Variants in TNFRSF1B observed in about 807,000 individuals in gnomAD.
TNFRSF1B encodes tumor necrosis factor receptor superfamily member 1B.
TNFRSF1B carries 19 observed loss-of-function variants against 44.6 expected under a neutral mutation model. The observed-to-expected ratio is 0.43, with a 90% CI of 0.30 to 0.62. The LOEUF (loss-of-function observed/expected upper bound fraction) is 0.62, where lower values mean the gene tolerates loss of function less well. Among genes scored for constraint, TNFRSF1B ranks in the 20% least tolerant of loss-of-function variants. The probability of loss-of-function intolerance (pLI) is 0.16; values close to 1 mark genes in which losing one functional copy is unlikely to be tolerated. For synonymous variants in TNFRSF1B, 252 were observed against 261.1 expected (o/e 0.97, Z 0.34); for missense variants, 541 against 619.9 (o/e 0.87, Z 1.35).
chr1:12,192,866 T>C lies in TNFRSF1B; in HGVS notation c.555T>C (p.Cys185=). 6.2e-7 allele frequency: 1 copy of C among 1,613,180 alleles called. No individual in the cohort carries two copies. The highest frequency in any genetic ancestry group is 8.5e-7 in the Non-Finnish European group (1 of 1,179,508). ...STDICRPHQI[C]NVVAIPGNAS... is the part of the protein sequence containing the mutation. ...ACCAAGCCTCCTCCTCCTCCAGCTG[T>C]AACGTGGTGGCCATCCCTGGGAATG... Residue 185 remains cysteine, a synonymous_variant, in exon 6 of 10, where the codon TGT becomes TGC. Transcript: ENST00000376259.
chr1:12,183,060 G>A (rs1638846098), intron 1 of TNFRSF1B, among the ~76,000 whole-genome samples: 1 of 152,254 alleles, frequency 6.6e-6, no homozygotes, highest in African/African-American at 2.4e-5. Flanking sequence ...ATGTCAGTGA[G>A]AAGACCAGAC....
At chr1:12,185,443 C>T (rs561187030) in intron 1 of TNFRSF1B, among the ~76,000 whole-genome samples, 1 of 152,024 alleles carries the variant, frequency 6.6e-6, no homozygotes, top group African/African-American at 2.4e-5. Flanking sequence ...GAGCTCCCCC[C>T]ACACTGTGTG....
intron 9 of TNFRSF1B, 152 bp downstream of exon 9, chr1:12,202,323 C>G: frequency 7.8e-7 from 1 of 1,284,830 alleles, no homozygotes; most frequent in Non-Finnish European, 1.0e-6. Flanking sequence ...AACCTAAGTT[C>G]CCTCCCGCCT....
intron 4 of TNFRSF1B, 80 bp downstream of exon 4, chr1:12,192,003 A>G (rs2101108157): frequency 6.5e-7 from 1 of 1,529,848 alleles, no homozygotes; most frequent in South Asian, 1.3e-5. Context: ...ACGGGCATCA[A>G]CCCATTAATT....
intron 2 of TNFRSF1B, among the ~76,000 whole-genome samples, chr1:12,190,087 A>C (rs1014607831): frequency 3.3e-5 from 5 of 152,102 alleles, no homozygotes; most frequent in South Asian, 2.1e-4. Context: ...GAGGGCTTTG[A>C]GCCGTTACCT....
Position 12,199,845 on chromosome 1 carries a change from C to G in TNFRSF1B, c.901-2122C>G, listed in dbSNP as rs1039968318. 3.3e-5 allele frequency among the ~76,000 whole-genome samples: 5 copies of G among 152,220 alleles called. No homozygotes were observed. Among genetic ancestry groups the G allele is most frequent in the African/African-American group, 1.2e-4 (5 of 41,462 alleles). On this transcript the variant is annotated intron_variant, in intron 8 of 9. Transcript: ENST00000376259. The surrounding 1 kb of genome is among the most constrained non-coding windows in gnomAD (Gnocchi z 4.0). ...GACACTTGTTTTCATCCTGGGCAGG[C>G]CAGGGGCCAGGGCAGCTGTTGGGAA...
At chr1:12,200,323 C>T (rs17880252) in intron 8 of TNFRSF1B, among the ~76,000 whole-genome samples, 1,598 of 151,998 alleles carry the variant, frequency 0.011, 23 homozygotes, top group African/African-American at 0.036. Flanking sequence ...AGCCTGTGGG[C>T]GGACTCTGGA....
intron 1 of TNFRSF1B, among the ~76,000 whole-genome samples, chr1:12,183,675 T>G (rs867698626): frequency 3.4e-4 from 42 of 124,490 alleles, no homozygotes; most frequent in African/African-American, 1.0e-3. Context: ...TATCTATCTA[T>G]CTATCTATCT....
intron 9 of TNFRSF1B, 114 bp from the exon 10 acceptor site, chr1:12,206,626 G>A (rs899869980): frequency 2.2e-5 from 26 of 1,201,870 alleles, no homozygotes; most frequent in African/African-American, 1.5e-4. Context: ...TCTTGGTCTC[G>A]GCTCCTGGCC....
At chr1:12,195,339 A>T (rs1169248061) in intron 8 of TNFRSF1B, among the ~76,000 whole-genome samples, 1 of 152,192 alleles carries the variant, frequency 6.6e-6, no homozygotes, top group Admixed American at 6.5e-5. Context: ...TTTTTCTTGC[A>T]TTGTAAGAAG....
intron 3 of TNFRSF1B, 91 bp downstream of exon 3, chr1:12,191,176 AGTTACC>A (rs1485168359): frequency 1.4e-5 from 22 of 1,526,298 alleles, no homozygotes; most frequent in Non-Finnish European, 1.9e-5. Context: ...AGCTGTCTGG[AGTTACC>A]CCAGGCTGGT....
At chr1:12,192,819 C>CTCTG in intron 5 of TNFRSF1B, 44 bp from the exon 6 acceptor site, 2 of 1,549,058 alleles carry the variant, frequency 1.3e-6, no homozygotes, top group Non-Finnish European at 1.8e-6. Flanking sequence ...ACCCCAGCCA[C>CTCTG]TCTGTCCCCT....
rs1639103867 is a variant in TNFRSF1B, at chr1:12,190,968, A to C, written c.190A>C (p.Lys64Gln). The C allele has an allele frequency of 1.2e-6, 2 of 1,613,810 alleles. No individual in the cohort carries two copies. The highest frequency in any genetic ancestry group is 2.2e-5 in the South Asian group (2 of 91,082). The change falls in exon 3 of 10, where the codon AAA becomes CAA. Residue 64 changes from lysine to glutamine, a missense_variant. By Grantham distance (53) the Lys-to-Gln change is moderately conservative (BLOSUM62 1). Coordinates refer to ENST00000376259, the MANE Select transcript of TNFRSF1B (RefSeq NM_001066.3). ...CCTTGTTTCCTCAGGCCAACATGCA[A>C]AAGTCTTCTGTACCAAGACCTCGGA... ...CSKCSPGQHA[K>Q]VFCTKTSDTV... is the part of the protein sequence containing the mutation.
In TNFRSF1B at chr1:12,187,820, C is replaced by T. The variant is rs1443033024; in HGVS notation, c.79-976C>T. 6.6e-6 allele frequency among the ~76,000 whole-genome samples: 1 copy of T among 152,116 alleles called. No homozygotes were observed. Among genetic ancestry groups the T allele is most frequent in the East Asian group, 1.9e-4 (1 of 5,176 alleles). On this transcript the variant is annotated intron_variant, in intron 1 of 9. Transcript: ENST00000376259. This position sits in a 1 kb window ranked among gnomAD's most constrained non-coding sequence, Gnocchi z 5.5. The stretch of plus-strand genomic sequence containing the variant: ...GGGCAGGTCAGGGGAGGGGGCTTAG[C>T]AGGGACGTTGTTCACCAGCTTCAGC...
At chr1:12,188,726 A>G (rs1639041493) in intron 1 of TNFRSF1B, 70 bp from the exon 2 acceptor site, 1 of 1,410,508 alleles carries the variant, frequency 7.1e-7, no homozygotes, top group African/African-American at 1.4e-5. Flanking sequence ...CAGGGCGGGG[A>G]CCTGGGCATC....
rs1638697600 is a variant in TNFRSF1B, at chr1:12,177,846, A to G, written c.78+10677A>G. 6.6e-6 allele frequency among the ~76,000 whole-genome samples: 1 copy of G among 151,900 alleles called. No individual in the cohort carries two copies. Among genetic ancestry groups the G allele is most frequent in the Non-Finnish European group, 1.5e-5 (1 of 68,020 alleles). ...CATTTAGCGGGTGCTTCTTGGGTGC[A>G]ATGCGCAAGAGACCGATGCATTAAC... is the stretch of plus-strand genomic sequence containing the variant. On this transcript the variant is annotated intron_variant, in intron 1 of 9. Coordinates refer to ENST00000376259, the MANE Select transcript of TNFRSF1B (RefSeq NM_001066.3). This position sits in a 1 kb window ranked among gnomAD's most constrained non-coding sequence, Gnocchi z 4.3.
In TNFRSF1B at chr1:12,169,594, TG is replaced by T. The variant is rs1638476167; in HGVS notation, c.78+2427del. On this transcript the variant is annotated intron_variant, in intron 1 of 9. Transcript: ENST00000376259. The surrounding 1 kb of genome is among the most constrained non-coding windows in gnomAD (Gnocchi z 4.5). ...CCTCACACACAGTGGGTTCTCAGGA[TG>T]GAAGTCAACTGAGCTGCAGAAGAAG... Among the ~76,000 whole-genome samples, 1 of 152,198 alleles carries T rather than the reference TG, an allele frequency of 6.6e-6. No individual in the cohort carries two copies. The highest frequency in any genetic ancestry group is 1.5e-5 in the Non-Finnish European group (1 of 68,028).
intron 1 of TNFRSF1B, among the ~76,000 whole-genome samples, chr1:12,183,470 CTCTA>C (rs938186674): frequency 6.6e-6 from 1 of 151,582 alleles, no homozygotes; most frequent in African/African-American, 2.4e-5. Context: ...CTCTCTCTCT[CTCTA>C]TGTATATATG....
Position 12,167,234 on chromosome 1 carries a change from C to T in TNFRSF1B, c.78+65C>T, listed in dbSNP as rs974394779. 14 of 1,170,378 alleles carry T rather than the reference C, an allele frequency of 1.2e-5. 1 individual carries two copies. Among genetic ancestry groups the T allele is most frequent in the African/African-American group, 1.1e-4 (7 of 62,562 alleles). 72.5% of individuals were successfully genotyped at this position (1,170,378 alleles called of 1,614,324 possible). ...CATGTCCACCCGGCTGGTGCGCAGC[C>T]TTCGGGTGCCCGGGCCGCGCTCTCC... On this transcript the variant is annotated intron_variant, in intron 1 of 9. Transcript: ENST00000376259.
Sources: gnomAD v4.1 joint callset for allele counts (sites outside exome capture counted in the v4.1 genomes callset) on GRCh38, gnomAD v4.1.1 for gene constraint, Gnocchi (gnomAD v3.1) non-coding constraint, MANE v1.5 for transcripts, NCBI Gene and HGNC (gene_info 2026-07-23, HGNC 2026-07-21) for gene names.